RPS6KA2: variants seen among roughly 807,000 people sequenced by gnomAD.
RPS6KA2 encodes the protein ribosomal protein S6 kinase alpha-2.
RPS6KA2 carries 42 observed loss-of-function variants against 91.8 expected under a neutral mutation model. The observed-to-expected ratio is 0.46, with a 90% CI of 0.36 to 0.59. The LOEUF (loss-of-function observed/expected upper bound fraction) is 0.59. Among genes scored for constraint, RPS6KA2 ranks in the 20% least tolerant of loss-of-function variants. The probability of loss-of-function intolerance (pLI) is 0.00; values close to 1 mark genes in which losing one functional copy is unlikely to be tolerated. For missense variants in RPS6KA2, 798 were observed against 978.5 expected, an observed-to-expected ratio of 0.82 and a Z score of 2.46; for synonymous variants, 414 against 393.6, an observed-to-expected ratio of 1.05 and a Z score of -0.61.
chr6:166,446,727 G>A (rs560910513), intron 14 of RPS6KA2, among the ~76,000 whole-genome samples: 13 of 152,192 alleles, frequency 8.5e-5, no homozygotes, highest in Non-Finnish European at 1.8e-4. Context: ...CAAAATGGGG[G>A]CTGATCCGCA....
At chr6:166,514,331 AG>A (rs1440173156) in intron 3 of RPS6KA2, among the ~76,000 whole-genome samples, 1 of 152,208 alleles carries the variant, frequency 6.6e-6, no homozygotes, top group Non-Finnish European at 1.5e-5. Flanking sequence ...GATGGCAGCA[AG>A]GGGCCACCAG....
At chr6:166,515,166 G>A (rs1404253539) in intron 3 of RPS6KA2, among the ~76,000 whole-genome samples, 1 of 152,192 alleles carries the variant, frequency 6.6e-6, no homozygotes, top group African/African-American at 2.4e-5. Flanking sequence ...GGAAGACCTG[G>A]AGGAGACAGA....
In RPS6KA2 at chr6:166,448,858, G is replaced by A. The variant is rs373499258; in HGVS notation, c.1207-9C>T. ...TTGTTCCCGTGTAACTGCTGCAGAGGGACCAAGAGAAGAAGAGTTGTCGGA... is the reference window on the plus strand; with the variant it reads ...TTGTTCCCGTGTAACTGCTGCAGAGAGACCAAGAGAAGAAGAGTTGTCGGA... On this transcript the variant is annotated splice_polypyrimidine_tract_variant and intron_variant, in intron 13 of 20. Transcript: ENST00000265678. The surrounding 1 kb of genome is among the most constrained non-coding windows in gnomAD (Gnocchi z 4.7). 9.9e-6 allele frequency: 16 copies of A among 1,613,402 alleles called. No homozygotes were observed. The highest frequency in any genetic ancestry group is 1.1e-5 in the Non-Finnish European group (13 of 1,179,700).
chr6:166,768,813 G>A (rs1778389775), intron 2 of RPS6KA2, among the ~76,000 whole-genome samples: 1 of 152,150 alleles, frequency 6.6e-6, no homozygotes, highest in South Asian at 2.1e-4. Context: ...CAAATTCAAG[G>A]TGAATCTGGA....
In RPS6KA2 at chr6:166,519,287, T is replaced by G. The variant is rs551546454; in HGVS notation, c.299-8930A>C. Among the ~76,000 whole-genome samples, 11 of 152,356 alleles carry G rather than the reference T, an allele frequency of 7.2e-5. No individual in the cohort carries two copies. In the South Asian group the frequency reaches 2.3e-3, roughly 32 times the overall value. On this transcript the variant is annotated intron_variant, in intron 3 of 20. Transcript: ENST00000265678. ...GCCATTTGGCCCAGGCTATAGCGTCTCTGTGATGTTTATTCTCTGGTACTT... is the reference window on the plus strand; with the variant it reads ...GCCATTTGGCCCAGGCTATAGCGTCGCTGTGATGTTTATTCTCTGGTACTT...
At chr6:166,527,848 C>T (rs1049919313) in intron 3 of RPS6KA2, among the ~76,000 whole-genome samples, 1 of 152,226 alleles carries the variant, frequency 6.6e-6, no homozygotes, top group Non-Finnish European at 1.5e-5. Context: ...ACACTCTTCC[C>T]AGGCTTCACC....
chr6:166,425,679 C>A (rs1167218789), intron 16 of RPS6KA2, among the ~76,000 whole-genome samples: 1 of 151,632 alleles, frequency 6.6e-6, no homozygotes, highest in Non-Finnish European at 1.5e-5. Flanking sequence ...AGACTTTAAA[C>A]CAACAAAGAT....
intron 2 of RPS6KA2, among the ~76,000 whole-genome samples, chr6:166,675,320 C>CTTTCAGT (rs1424276509): frequency 2.6e-5 from 4 of 152,236 alleles, no homozygotes; most frequent in African/African-American, 9.6e-5. Flanking sequence ...AGCCCACCTA[C>CTTTCAGT]CCCTGCTCCT....
At chr6:166,654,550 C>G (rs919784826) in intron 2 of RPS6KA2, among the ~76,000 whole-genome samples, 1 of 152,254 alleles carries the variant, frequency 6.6e-6, no homozygotes, top group East Asian at 1.9e-4. Context: ...CCCCAGTTTC[C>G]CCCCAATATC....
At chr6:166,813,175 G>A (rs940533263) in intron 2 of RPS6KA2, among the ~76,000 whole-genome samples, 2 of 152,002 alleles carry the variant, frequency 1.3e-5, no homozygotes, top group African/African-American at 4.8e-5. Flanking sequence ...ACACATGGGG[G>A]AGGTAGGTCC....
intron 3 of RPS6KA2, among the ~76,000 whole-genome samples, chr6:166,530,138 G>GGGGAGGAC (rs1259544842): frequency 2.6e-5 from 4 of 152,196 alleles, no homozygotes; most frequent in Non-Finnish European, 5.9e-5. Context: ...TCCCCTGCCT[G>GGGGAGGAC]TAGTTGCTGG....
intron 2 of RPS6KA2, among the ~76,000 whole-genome samples, chr6:166,729,796 G>A (rs1790456787): frequency 1.3e-5 from 2 of 152,250 alleles, no homozygotes; most frequent in Middle Eastern, 3.4e-3. Flanking sequence ...CCTGATCAAA[G>A]TACTAGTTTT....
At chr6:166,792,319 C>A (rs1217041231) in intron 2 of RPS6KA2, among the ~76,000 whole-genome samples, 1 of 152,150 alleles carries the variant, frequency 6.6e-6, no homozygotes, top group African/African-American at 2.4e-5. Flanking sequence ...AGTTGAGTCC[C>A]TGAATAGACC....
chr6:166,476,931 T>A (rs1043894205), intron 10 of RPS6KA2, among the ~76,000 whole-genome samples: 10 of 152,062 alleles, frequency 6.6e-5, no homozygotes, highest in African/African-American at 2.2e-4. Flanking sequence ...GAACGAGGCC[T>A]CTAACAGCCA....
upstream of RPS6KA2, among the ~76,000 whole-genome samples, chr6:166,628,712 T>G (rs1205466934): frequency 3.3e-5 from 5 of 152,220 alleles, no homozygotes; most frequent in African/African-American, 1.2e-4. Context: ...TGGGTGCCGT[T>G]GCACGTTGTT....
chr6:166,615,980 G>A (rs541615538), intron 1 of RPS6KA2, among the ~76,000 whole-genome samples: 94 of 152,244 alleles, frequency 6.2e-4, no homozygotes, highest in Admixed American at 3.1e-3. Context: ...CCTAAATGAC[G>A]ACGCTTTTTA....
rs144597057 is a variant in RPS6KA2 at position 166,475,505 on chromosome 6, G to A, written c.908-5600C>T. 4.4e-3 allele frequency among the ~76,000 whole-genome samples: 668 copies of A among 151,910 alleles called. 10 individuals carry two copies. The South Asian group carries it at 0.046, about 11-fold the overall frequency. On this transcript the variant is annotated intron_variant, in intron 10 of 20. Transcript: ENST00000265678. ...CAGAAGGCCCCTCCCCCCACACCCCGTCCAGCATCTGGGACATCTTCTGAG... is the reference window on the plus strand; with the variant it reads ...CAGAAGGCCCCTCCCCCCACACCCCATCCAGCATCTGGGACATCTTCTGAG...
chr6:166,469,893 T>C lies in RPS6KA2; in HGVS notation c.920A>G (p.Asp307Gly), dbSNP rs147505453. 22 of 1,613,976 alleles carry C rather than the reference T, an allele frequency of 1.4e-5. No individual in the cohort carries two copies. Among genetic ancestry groups the C allele is most frequent in the Admixed American group, 3.3e-5 (2 of 60,010 alleles). The change falls in exon 11 of 21, where the codon GAC (aspartate) becomes GGC (glycine). Residue 307 changes from aspartate (D) to glycine (G), a missense_variant. Transcript: ENST00000265678. ...ATGGCGCTTAATTTCCTCCACTCCG[T>C]CAATGCCAGCACCTGTCAACAACAC... ...NPCNRLGAGI[D>G]GVEEIKRHPF...
intron 11 of RPS6KA2, among the ~76,000 whole-genome samples, chr6:166,466,824 T>C (rs149253654): frequency 1.7e-3 from 252 of 152,228 alleles, no homozygotes; most frequent in African/African-American, 6.0e-3. Context: ...ATTCACTCAC[T>C]CCCTCACTCA....
Sources: gnomAD v4.1 joint callset for allele counts (sites outside exome capture counted in the v4.1 genomes callset) on GRCh38, gnomAD v4.1.1 for gene constraint, Gnocchi (gnomAD v3.1) non-coding constraint, MANE v1.5 for transcripts, NCBI Gene and HGNC (gene_info 2026-07-23, HGNC 2026-07-21) for gene names.